Variants in BMPR1B observed in about 807,000 individuals in gnomAD.
BMPR1B encodes the protein bone morphogenetic protein receptor type-1B.
Under a neutral mutation model 59.1 loss-of-function variants are expected in BMPR1B, and 12 were observed. The ratio of observed to expected loss-of-function variants is 0.20; its 90% CI spans 0.13 to 0.33. The LOEUF (loss-of-function observed/expected upper bound fraction) is 0.33. Ranked by LOEUF, BMPR1B falls within the 10% of genes least tolerant of loss-of-function variation. The pLI, the probability that BMPR1B is intolerant of heterozygous loss-of-function variation, is 1.00. For synonymous variants in BMPR1B, 237 were observed against 207.3 expected (o/e 1.14, Z -1.23); for missense variants, 550 against 610.9 (o/e 0.90, Z 1.05).
chr4:94,900,253 A>G (rs3775009), intron 2 of BMPR1B, among the ~76,000 whole-genome samples: 26,905 of 151,570 alleles, frequency 0.18, 2,505 homozygotes, highest in South Asian at 0.22. Context: ...CTTTGTGTAT[A>G]ACTTGAACCT....
chr4:94,880,931 C>T (rs919333553), intron 2 of BMPR1B, among the ~76,000 whole-genome samples: 5 of 152,142 alleles, frequency 3.3e-5, no homozygotes, highest in Non-Finnish European at 4.4e-5. Flanking sequence ...CCACTGGGTC[C>T]AGCCCTAAAA....
In BMPR1B at chr4:95,154,860, G is replaced by C; in HGVS notation, c.*187G>C. 1.3e-6 allele frequency: 1 copy of C among 748,856 alleles called. No homozygotes were observed. 46.4% of individuals were successfully genotyped at this position (748,856 alleles called of 1,614,324 possible). On this transcript the variant is annotated 3_prime_UTR_variant, in exon 13 of 13. Transcript: ENST00000515059. ...AGACAGAGAAGCTCCCAGAAGGAGA[G>C]ATTGATCCATGTCTGTTTGTAGGAC...
At chr4:94,864,734 T>C (rs555924391) in intron 1 of BMPR1B, among the ~76,000 whole-genome samples, 1 of 152,304 alleles carries the variant, frequency 6.6e-6, no homozygotes, top group African/African-American at 2.4e-5. Flanking sequence ...GTAAATGTTA[T>C]GTAAATAGTT....
intron 2 of BMPR1B, among the ~76,000 whole-genome samples, chr4:94,994,970 T>C (rs113094591): frequency 6.6e-6 from 1 of 152,192 alleles, no homozygotes; most frequent in Non-Finnish European, 1.5e-5. Flanking sequence ...ATCTGTAAGA[T>C]GAGTAAGTGA....
chr4:95,043,275 G>A (rs1449304328), intron 3 of BMPR1B, among the ~76,000 whole-genome samples: 1 of 149,632 alleles, frequency 6.7e-6, no homozygotes, highest in Non-Finnish European at 1.5e-5. Context: ...CTGACCTCAT[G>A]GTCTTTTAGT....
intron 1 of BMPR1B, among the ~76,000 whole-genome samples, chr4:94,779,300 C>G (rs1722502263): frequency 6.6e-6 from 1 of 151,992 alleles, no homozygotes; most frequent in South Asian, 2.1e-4. Context: ...AATGTCAGCC[C>G]TGTTGTATAT....
intron 1 of BMPR1B, among the ~76,000 whole-genome samples, chr4:94,772,278 C>T (rs553965014): frequency 1.1e-4 from 17 of 152,180 alleles, no homozygotes; most frequent in Non-Finnish European, 2.2e-4. Context: ...TCCCCTTTGT[C>T]TTCAGCATGT....
At chr4:94,892,365 G>T (rs573883776) in intron 2 of BMPR1B, among the ~76,000 whole-genome samples, 77 of 152,154 alleles carry the variant, frequency 5.1e-4, no homozygotes, top group African/African-American at 1.8e-3. Context: ...ATTTATATAC[G>T]TGTTAAAGTT....
At chr4:94,840,539 T>G (rs957117832) in intron 1 of BMPR1B, among the ~76,000 whole-genome samples, 7 of 146,740 alleles carry the variant, frequency 4.8e-5, no homozygotes, top group Admixed American at 3.4e-4. Context: ...ATACCCTTTC[T>G]TCCAGTTGAT....
chr4:95,116,419 GCGCA>G (rs1299820528), intron 6 of BMPR1B, among the ~76,000 whole-genome samples: 5 of 51,150 alleles, frequency 9.8e-5, no homozygotes, highest in African/African-American at 2.5e-4. Context: ...CTTTCAGCGC[GCGCA>G]CACACACACA....
intron 2 of BMPR1B, among the ~76,000 whole-genome samples, chr4:94,901,367 C>T (rs1417443945): frequency 6.6e-6 from 1 of 151,886 alleles, no homozygotes; most frequent in Non-Finnish European, 1.5e-5. Flanking sequence ...ATTCTTAGAT[C>T]TCAGTCAGAA....
chr4:94,771,708 A>G (rs973855826), intron 1 of BMPR1B, among the ~76,000 whole-genome samples: 39 of 152,290 alleles, frequency 2.6e-4, no homozygotes, highest in African/African-American at 8.4e-4. Flanking sequence ...TTTAAGAGCA[A>G]AGTTACCACA....
chr4:95,035,986 A>T (rs575772279), intron 3 of BMPR1B, among the ~76,000 whole-genome samples: 2 of 152,054 alleles, frequency 1.3e-5, no homozygotes, highest in Admixed American at 6.6e-5. Context: ...CCTTGTAGAG[A>T]TCTTACACCT....
At chr4:95,002,670 C>G (rs1722534468) in intron 3 of BMPR1B, among the ~76,000 whole-genome samples, 1 of 152,126 alleles carries the variant, frequency 6.6e-6, no homozygotes, top group African/African-American at 2.4e-5. Context: ...CTGTTTCCTC[C>G]TCCCTCATAT....
rs70946577 is a variant in BMPR1B at position 94,999,427 on chromosome 4, C to CGTGT, written c.-18+3314_-18+3317dup. On this transcript the variant is annotated intron_variant, in intron 3 of 12. Coordinates refer to ENST00000515059, the MANE Select transcript of BMPR1B (RefSeq NM_001203.3). Reference sequence around the variant, plus strand: ...TTTTCTAGGACCAATCAGTGTTGTGCGTGTGTGTGTGTGTGTGTGTGTGTA... The same window carrying CGTGT: ...TTTTCTAGGACCAATCAGTGTTGTGCGTGTGTGTGTGTGTGTGTGTGTGTGTGTA... Among the ~76,000 whole-genome samples, 1,093 of 148,504 alleles carry CGTGT rather than the reference C, an allele frequency of 7.4e-3. 2 individuals carry two copies. Among genetic ancestry groups the CGTGT allele is most frequent in the Non-Finnish European group, 9.9e-3 (665 of 66,974 alleles).
At chr4:94,867,991 A>G (rs1005252972) in intron 1 of BMPR1B, among the ~76,000 whole-genome samples, 1 of 149,248 alleles carries the variant, frequency 6.7e-6, no homozygotes, top group Non-Finnish European at 1.5e-5. Context: ...GACTATAGGC[A>G]TGTGCCACCG....
chr4:94,897,005 AG>A (rs907595286), intron 2 of BMPR1B, among the ~76,000 whole-genome samples: 115 of 152,040 alleles, frequency 7.6e-4, no homozygotes, highest in African/African-American at 2.4e-3. Context: ...TGAATCTGAA[AG>A]GATCCTAGGG....
rs1450785068 is a variant in BMPR1B, at chr4:95,152,646, T to C, written c.1256T>C (p.Ile419Thr). Reference protein sequence around the residue: ...EVARRCVSGGIVEEYQLPYHD... With the variant: ...EVARRCVSGGTVEEYQLPYHD... The stretch of plus-strand genomic sequence containing the variant: ...AATAGTAACAACATATTTTTAGGTA[T>C]AGTGGAAGAATACCAGCTTCCTTAT... The change falls in exon 12 of 13, where the codon ATA becomes ACA. Residue 419 changes from isoleucine (I) to threonine (T), a missense_variant. By Grantham distance (89) the Ile-to-Thr change is moderately conservative. Transcript: ENST00000515059. 1 of 1,543,424 alleles carries C rather than the reference T, an allele frequency of 6.5e-7. No homozygotes were observed. The highest frequency in any genetic ancestry group is 8.8e-7 in the Non-Finnish European group (1 of 1,139,632).
chr4:95,124,415 A>C (rs982671160), intron 7 of BMPR1B, among the ~76,000 whole-genome samples: 2 of 152,044 alleles, frequency 1.3e-5, no homozygotes, highest in African/African-American at 4.8e-5. Context: ...CTTGATATTT[A>C]TGTCATTTGC....
Sources: gnomAD v4.1 joint callset for allele counts (sites outside exome capture counted in the v4.1 genomes callset) on GRCh38, gnomAD v4.1.1 for gene constraint, MANE v1.5 for transcripts, NCBI Gene and HGNC (gene_info 2026-07-23, HGNC 2026-07-21) for gene names.